Variants in GPI observed in about 807,000 individuals in gnomAD.
The protein encoded by GPI is D-hexose-6-phosphate anomerase.
A neutral mutation model predicts 75.8 loss-of-function variants in GPI; 56 were observed. The ratio of observed to expected loss-of-function variants is 0.74; its 90% confidence interval spans 0.60 to 0.92. The LOEUF (loss-of-function observed/expected upper bound fraction) is 0.92, where lower values mean the gene tolerates loss of function less well. Among genes scored for constraint, GPI ranks in the 40% least tolerant of loss-of-function variants. The probability of loss-of-function intolerance (pLI) is 0.00; values close to 1 mark genes in which losing one functional copy is unlikely to be tolerated. For missense variants in GPI, 638 were observed against 741.0 expected (o/e 0.86, Z 1.61); for synonymous variants, 288 against 285.4 (o/e 1.01, Z -0.09).
chr19:34,379,118 G>A (rs561276040), intron 7 of GPI, 113 bp downstream of exon 7: 52 of 915,478 alleles, frequency 5.7e-5, no homozygotes, highest in Non-Finnish European at 7.7e-5. Context: ...AAGTGAAGGC[G>A]GCCTTGCCGG....
intron 4 of GPI, among the ~76,000 whole-genome samples, chr19:34,371,418 G>A (rs2074450414): frequency 6.6e-6 from 1 of 152,154 alleles, no homozygotes; most frequent in South Asian, 2.1e-4. Flanking sequence ...GGCACCAATA[G>A]GGATTAGGGA....
rs745653788 is a variant in GPI, at chr19:34,385,032, CAAAAAAA to C, written c.804+3527_804+3533del. 1.1e-4 allele frequency among the ~76,000 whole-genome samples: 7 copies of C among 64,638 alleles called. No individual in the cohort carries two copies. The East Asian group carries it at 1.4e-3, about 13-fold the overall frequency. The allele number at this position is 64,638 out of a possible 152,430, so 42.4% of individuals were successfully genotyped here. A position where few individuals can be genotyped will look rare whatever the true frequency, so the allele number is the denominator to read the frequency against. On this transcript the variant is annotated intron_variant, in intron 9 of 17. Transcript: ENST00000356487. ...GCCTGGGTGACAGTGAGACTATCTC[CAAAAAAA>C]AAAAAAAAAAAAAGCGGGGGTTGGG...
intron 8 of GPI, 52 bp from the exon 9 acceptor site, chr19:34,381,414 C>T (rs1297791617): frequency 1.1e-5 from 13 of 1,236,174 alleles, no homozygotes; most frequent in African/African-American, 3.0e-5. Context: ...TGTTCCCATC[C>T]CGCTAGCAAA....
At chr19:34,380,145 C>T (rs1206587636) in intron 8 of GPI, among the ~76,000 whole-genome samples, 6 of 151,022 alleles carry the variant, frequency 4.0e-5, no homozygotes, top group African/African-American at 1.5e-4. Flanking sequence ...TACAGGTGCA[C>T]GCCACCATGC....
upstream of GPI, chr19:34,364,912 GGTA>G: frequency 1.4e-6 from 2 of 1,455,994 alleles, no homozygotes; most frequent in Non-Finnish European, 9.3e-7. Flanking sequence ...GCGGCGCGAT[GGTA>G]GCTCTCTGCA....
At chr19:34,367,917 C>T (rs892431452) in intron 3 of GPI, among the ~76,000 whole-genome samples, 1 of 152,040 alleles carries the variant, frequency 6.6e-6, no homozygotes, top group Non-Finnish European at 1.5e-5. Flanking sequence ...CTTCGGAAAG[C>T]GTTTATTTAT....
intron 9 of GPI, among the ~76,000 whole-genome samples, chr19:34,391,290 G>A (rs796598424): frequency 1.1e-4 from 2 of 17,770 alleles, no homozygotes; most frequent in East Asian, 1.6e-3. Context: ...CATGTCTAAG[G>A]AGGTAAGATC....
chr19:34,373,557 CA>C (rs538891535), intron 4 of GPI, among the ~76,000 whole-genome samples: 708 of 63,182 alleles, frequency 0.011, 1 homozygote, highest in Middle Eastern at 0.023. Flanking sequence ...ATTCCATCTC[CA>C]AAAAAAAAAA....
At chr19:34,387,939 A>C (rs1295867783) in intron 9 of GPI, among the ~76,000 whole-genome samples, 3 of 152,102 alleles carry the variant, frequency 2.0e-5, no homozygotes, top group Non-Finnish European at 4.4e-5. Flanking sequence ...TTAGGTGAGT[A>C]GTGTGGGCTC....
chr19:34,399,391 T>C, intron 15 of GPI, 56 bp downstream of exon 15: 1 of 1,611,798 alleles, frequency 6.2e-7, no homozygotes, highest in South Asian at 1.1e-5. Flanking sequence ...GGTGTGAAGC[T>C]ATGGCACCAG....
chr19:34,395,616 G>A (rs1476805749), intron 12 of GPI, among the ~76,000 whole-genome samples: 1 of 152,166 alleles, frequency 6.6e-6, no homozygotes, highest in Non-Finnish European at 1.5e-5. Context: ...TTTTGTGACC[G>A]ATTTTGTCTT....
intron 4 of GPI, among the ~76,000 whole-genome samples, chr19:34,371,200 T>C (rs2074446938): frequency 6.6e-6 from 1 of 152,154 alleles, no homozygotes; most frequent in Admixed American, 6.5e-5. Flanking sequence ...GCTGATAAGG[T>C]ATTTATAGTT....
chr19:34,365,480 G>A, intron 1 of GPI, 92 bp downstream of exon 1: 4 of 1,497,666 alleles, frequency 2.7e-6, no homozygotes, highest in Non-Finnish European at 3.6e-6. Context: ...AGCGGTGCCC[G>A]GGGACCCCAG....
chr19:34,369,720 T>A (rs1599808569), intron 4 of GPI, among the ~76,000 whole-genome samples: 1 of 114,298 alleles, frequency 8.7e-6, no homozygotes, highest in African/African-American at 4.0e-5. Context: ...AAAAAAAAAA[T>A]TTCCTCATCC....
In GPI at chr19:34,400,068, TC is replaced by T; in HGVS notation, c.*36del. On this transcript the variant is annotated 3_prime_UTR_variant, in exon 18 of 18. Coordinates refer to ENST00000356487, the MANE Select transcript of GPI (RefSeq NM_000175.5). ...GCTCATCTGCAGCCTCCTCTGTGAC[TC>T]CCCTTTCTCTTCTCGTCCCTCCTCC... 1.2e-6 allele frequency: 2 copies of T among 1,602,744 alleles called. No individual in the cohort carries two copies. The highest frequency in any genetic ancestry group is 2.2e-5 in the South Asian group (2 of 90,930).
At chr19:34,377,931 G>T (rs749377516) in intron 6 of GPI, 50 bp downstream of exon 6, 31 of 1,597,712 alleles carry the variant, frequency 1.9e-5, no homozygotes, top group Non-Finnish European at 2.6e-5. Flanking sequence ...GTGTTGGGGT[G>T]GGGAGGGACA....
Position 34,374,705 on chromosome 19 carries a change from CTTTTCTTTCTT to C in GPI, c.403-2789_403-2779del, listed in dbSNP as rs1251284961. Among the ~76,000 whole-genome samples, 24 of 151,062 alleles carry C rather than the reference CTTTTCTTTCTT, an allele frequency of 1.6e-4. No homozygotes were observed. The South Asian group carries it at 4.4e-3, about 28-fold the overall frequency. ...TATGTATGGGATAATTATTTCTTTT[CTTTTCTTTCTT>C]TTTTCTTTTTTTCTTTGTTTTTTTT... On this transcript the variant is annotated intron_variant, in intron 4 of 17. Transcript: ENST00000356487.
chr19:34,397,579 C>T (rs1295499755), intron 14 of GPI: 1 of 152,116 alleles, frequency 6.6e-6, no homozygotes, highest in Non-Finnish European at 1.5e-5. Flanking sequence ...GTCCCAGGCT[C>T]AAGCAGTCTT....
chr19:34,366,703 C>A, intron 2 of GPI, 80 bp from the exon 3 acceptor site: 1 of 967,868 alleles, frequency 1.0e-6, no homozygotes, highest in Non-Finnish European at 1.7e-6. Flanking sequence ...TTGGGGACAG[C>A]ACCAAGCCTT....
Sources: gnomAD v4.1 joint callset for allele counts (sites outside exome capture counted in the v4.1 genomes callset) on GRCh38, gnomAD v4.1.1 for gene constraint, MANE v1.5 for transcripts, NCBI Gene and HGNC (gene_info 2026-07-23, HGNC 2026-07-21) for gene names.